CPLX2: variants seen among roughly 807,000 people sequenced by gnomAD.
CPLX2 encodes the protein complexin 2, also known as complexin-2.
A neutral mutation model predicts 16.3 loss-of-function variants in CPLX2; 5 were observed. That is an observed-to-expected ratio of 0.31 (90% CI 0.16 to 0.64). The LOEUF is 0.64. Ranked by LOEUF, CPLX2 falls within the 30% of genes least tolerant of loss-of-function variation. The pLI, the probability that CPLX2 is intolerant of heterozygous loss-of-function variation, is 0.79. For missense variants in CPLX2, 144 were observed against 181.4 expected, an observed-to-expected ratio of 0.79 and a Z score of 1.18; for synonymous variants, 89 against 73.2, an observed-to-expected ratio of 1.22 and a Z score of -1.10.
rs376234694 is a variant in CPLX2 at position 175,866,454 on chromosome 5, T to G, written c.-88-12198T>G. ...GGGGGCAAGGAGACTGCAGACTGAT[T>G]TGCAGACATGAAAATGCAAGGTTTC... is the stretch of plus-strand genomic sequence containing the variant. On this transcript the variant is annotated intron_variant, in intron 2 of 4. Coordinates refer to the CPLX2 transcript ENST00000359546. Among the ~76,000 whole-genome samples, 6 of 152,350 alleles carry G rather than the reference T, an allele frequency of 3.9e-5. 1 individual carries two copies. The highest frequency in any genetic ancestry group is 1.4e-4 in the African/African-American group (6 of 41,588).
chr5:175,862,163 A>G (rs2113690876), intron 2 of CPLX2, among the ~76,000 whole-genome samples: 1 of 152,360 alleles, frequency 6.6e-6, no homozygotes, highest in East Asian at 1.9e-4. Flanking sequence ...CCCAGCAACA[A>G]GATGAGTCCC....
chr5:175,826,093 T>A (rs1581078328), intron 2 of CPLX2, among the ~76,000 whole-genome samples: 1 of 151,954 alleles, frequency 6.6e-6, no homozygotes, highest in East Asian at 1.9e-4. Flanking sequence ...GTGGGAGCAC[T>A]GACTAGCGGC....
intron 2 of CPLX2, among the ~76,000 whole-genome samples, chr5:175,826,954 C>T (rs759808330): frequency 2.6e-5 from 4 of 152,160 alleles, no homozygotes; most frequent in African/African-American, 7.2e-5. Flanking sequence ...TCACGCAGCT[C>T]GAATGAGGAG....
At chr5:175,810,832 A>G (rs889589929) in intron 2 of CPLX2, among the ~76,000 whole-genome samples, 1 of 152,240 alleles carries the variant, frequency 6.6e-6, no homozygotes, top group Non-Finnish European at 1.5e-5. Flanking sequence ...CTTCTCAAAG[A>G]ATTCTAATAA....
At chr5:175,817,272 T>C (rs1430738438) in intron 2 of CPLX2, among the ~76,000 whole-genome samples, 5 of 152,234 alleles carry the variant, frequency 3.3e-5, no homozygotes, top group Non-Finnish European at 7.3e-5. Context: ...TCTTTCCTAG[T>C]AAGTCAGCTT....
In CPLX2 at chr5:175,809,755, A is replaced by G. The variant is rs1758279497; in HGVS notation, c.-89+687A>G. Among the ~76,000 whole-genome samples, 1 of 151,914 alleles carries G rather than the reference A, an allele frequency of 6.6e-6. No homozygotes were observed. Among genetic ancestry groups the G allele is most frequent in the African/African-American group, 2.4e-5 (1 of 41,322 alleles). On this transcript the variant is annotated intron_variant, in intron 2 of 4. Transcript: ENST00000359546. This position sits in a 1 kb window ranked among gnomAD's most constrained non-coding sequence, Gnocchi z 4.4. ...TCATCCACATCGCCTCTTCCCCACCACCCACGACCAGTAATCCAGTGTGCA... is the reference window on the plus strand; with the variant it reads ...TCATCCACATCGCCTCTTCCCCACCGCCCACGACCAGTAATCCAGTGTGCA...
intron 2 of CPLX2, among the ~76,000 whole-genome samples, chr5:175,846,371 C>T (rs890257820): frequency 6.6e-6 from 1 of 152,176 alleles, no homozygotes; most frequent in Non-Finnish European, 1.5e-5. Context: ...CTCCACCTCC[C>T]TCTGCCTGTA....
chr5:175,878,503 C>T (rs1755465785), intron 1 of CPLX2, 149 bp from the exon 2 acceptor site: 3 of 592,666 alleles, frequency 5.1e-6, no homozygotes, highest in African/African-American at 1.9e-5. Flanking sequence ...TCTCTTCCAT[C>T]TCCTTTCTCC....
chr5:175,836,695 C>T lies in CPLX2; in HGVS notation c.-89+27627C>T, dbSNP rs1319709925. Among the ~76,000 whole-genome samples, 3 of 152,248 alleles carry T rather than the reference C, an allele frequency of 2.0e-5. No homozygotes were observed. The East Asian group carries it at 5.8e-4, about 29-fold the overall frequency. ...CAAGGGTTTTGCATAAGCATTCCGT[C>T]TTCAACTACCCCGTCCTCTGTCCAA... On this transcript the variant is annotated intron_variant, in intron 2 of 4. Transcript: ENST00000359546.
At chr5:175,863,177 C>G (rs1261941162) in intron 2 of CPLX2, among the ~76,000 whole-genome samples, 7 of 152,244 alleles carry the variant, frequency 4.6e-5, no homozygotes, top group Admixed American at 3.9e-4. Flanking sequence ...TGAGCCCTGA[C>G]CTACAGCTCC....
rs139876467 is a variant in CPLX2, at chr5:175,855,314, CTTT to C, written c.-88-23336_-88-23334del. 1.3e-3 allele frequency among the ~76,000 whole-genome samples: 195 copies of C among 152,358 alleles called. 1 individual carries two copies. Among genetic ancestry groups the C allele is most frequent in the Non-Finnish European group, 2.4e-3 (163 of 68,038 alleles). Reference sequence around the variant, plus strand: ...ACCTCTCAGCCAATATAAGACACCTCTTTTAGCCCTAGTTCCTTCATCTGCGTA... The same window carrying C: ...ACCTCTCAGCCAATATAAGACACCTCTAGCCCTAGTTCCTTCATCTGCGTA... On this transcript the variant is annotated intron_variant, in intron 2 of 4. Transcript: ENST00000359546.
chr5:175,804,331 G>T (rs1758155789), intron 1 of CPLX2, among the ~76,000 whole-genome samples: 1 of 152,140 alleles, frequency 6.6e-6, no homozygotes, highest in African/African-American at 2.4e-5. Flanking sequence ...ACTGTTCCTG[G>T]TGGGGGCCCC....
chr5:175,831,000 C>T lies in CPLX2; in HGVS notation c.-89+21932C>T, dbSNP rs529889515. 1.4e-4 allele frequency among the ~76,000 whole-genome samples: 21 copies of T among 152,314 alleles called. No individual in the cohort carries two copies. Among genetic ancestry groups the T allele is most frequent in the African/African-American group, 5.1e-4 (21 of 41,580 alleles). ...ATGGCTGGGGGTGCGCGTGTGTGCT[C>T]ATGGCAGCTGAGTGTCTCCATATCC... On this transcript the variant is annotated intron_variant, in intron 2 of 4. Transcript: ENST00000359546. This position sits in a 1 kb window ranked among gnomAD's most constrained non-coding sequence, Gnocchi z 4.0.
chr5:175,827,936 A>G (rs1025610098), intron 2 of CPLX2, among the ~76,000 whole-genome samples: 30 of 152,300 alleles, frequency 2.0e-4, no homozygotes, highest in African/African-American at 6.7e-4. Context: ...TCTGCCCCCA[A>G]GGAGTTTACA....
intron 2 of CPLX2, among the ~76,000 whole-genome samples, chr5:175,837,189 T>C (rs982627171): frequency 2.6e-5 from 4 of 152,144 alleles, no homozygotes; most frequent in Non-Finnish European, 5.9e-5. Flanking sequence ...GAAGGGAAAT[T>C]CAGACCCCAA....
intron 2 of CPLX2, among the ~76,000 whole-genome samples, chr5:175,866,254 G>C (rs1160350011): frequency 6.6e-6 from 1 of 152,212 alleles, no homozygotes; most frequent in African/African-American, 2.4e-5. Flanking sequence ...CTAGCTCTAG[G>C]GAGAGGCCAT....
chr5:175,816,174 CT>C (rs993472218), intron 2 of CPLX2, among the ~76,000 whole-genome samples: 159 of 145,978 alleles, frequency 1.1e-3, no homozygotes, highest in Middle Eastern at 7.1e-3. Flanking sequence ...CACAGTCACT[CT>C]TTTTTTTTTT....
chr5:175,827,336 G>GA (rs1391554330), intron 2 of CPLX2, among the ~76,000 whole-genome samples: 2 of 152,210 alleles, frequency 1.3e-5, no homozygotes, highest in Admixed American at 1.3e-4. Flanking sequence ...TAAAATAAGG[G>GA]AAATTGTTGC....
At chr5:175,797,595 C>G (rs1758013498) in intron 1 of CPLX2, among the ~76,000 whole-genome samples, 1 of 152,138 alleles carries the variant, frequency 6.6e-6, no homozygotes, top group South Asian at 2.1e-4. Flanking sequence ...CTCCGGCTGT[C>G]CCCGGAACAT....
Sources: allele counts gnomAD v4.1 joint callset (sites outside exome capture counted in the v4.1 genomes callset), GRCh38; gene constraint gnomAD v4.1.1; non-coding constraint Gnocchi (gnomAD v3.1); transcripts MANE v1.5; gene names NCBI Gene and HGNC (gene_info 2026-07-23, HGNC 2026-07-21).